The following CRPPA variants were observed in gnomAD, a reference collection of about 807,000 sequenced individuals.
CRPPA encodes the protein D-ribitol-5-phosphate cytidylyltransferase.
In CRPPA, 43 loss-of-function variants were observed where a neutral mutation model predicts 52.0. The observed-to-expected ratio is 0.83, with a 90% CI of 0.65 to 1.07. The LOEUF (loss-of-function observed/expected upper bound fraction) is 1.07. CRPPA is among the 50% of genes least tolerant of loss of function. CRPPA has a pLI of 0.00. For missense variants in CRPPA, 629 were observed against 551.7 expected (o/e 1.14, Z -1.40); for synonymous variants, 250 against 203.5 (o/e 1.23, Z -1.94).
intron 3 of CRPPA, among the ~76,000 whole-genome samples, chr7:16,331,148 C>G (rs548125904): frequency 6.6e-6 from 1 of 151,976 alleles, no homozygotes; most frequent in Admixed American, 6.6e-5. Context: ...TACAGGCGCA[C>G]GCCACCATGC....
intron 3 of CRPPA, among the ~76,000 whole-genome samples, chr7:16,337,757 C>T (rs1785723637): frequency 6.6e-6 from 1 of 152,040 alleles, no homozygotes; most frequent in Non-Finnish European, 1.5e-5. Flanking sequence ...TCCAACAAAT[C>T]AGATAACCTA....
intron 8 of CRPPA, among the ~76,000 whole-genome samples, chr7:16,218,793 A>G (rs1298259300): frequency 1.4e-3 from 196 of 140,812 alleles, no homozygotes; most frequent in African/African-American, 5.1e-3. Flanking sequence ...TTCATAAAGC[A>G]AGTCCTGAGT....
At chr7:16,210,818 A>G (rs1242967342) in intron 9 of CRPPA, among the ~76,000 whole-genome samples, 2 of 152,146 alleles carry the variant, frequency 1.3e-5, no homozygotes, top group African/African-American at 4.8e-5. Context: ...CTTCATTTAC[A>G]TACAGAAAGT....
intron 9 of CRPPA, among the ~76,000 whole-genome samples, chr7:16,206,592 AAATT>A (rs1331106147): frequency 5.9e-5 from 9 of 152,174 alleles, no homozygotes; most frequent in African/African-American, 2.2e-4. Context: ...AACATAGTAA[AAATT>A]AAATGATTAC....
At chr7:16,172,460 G>T (rs1289360512) in intron 9 of CRPPA, among the ~76,000 whole-genome samples, 1 of 152,198 alleles carries the variant, frequency 6.6e-6, no homozygotes, top group East Asian at 1.9e-4. Context: ...TGTAGTTACA[G>T]TCCAATCAGC....
intron 1 of CRPPA, among the ~76,000 whole-genome samples, chr7:16,414,396 CA>C (rs1456040798): frequency 5.0e-4 from 64 of 127,562 alleles, no homozygotes; most frequent in South Asian, 1.4e-3. Flanking sequence ...CACACACACA[CA>C]CACACCCCAT....
intron 3 of CRPPA, among the ~76,000 whole-genome samples, chr7:16,363,887 C>A (rs185019635): frequency 7.9e-5 from 12 of 152,138 alleles, no homozygotes; most frequent in Admixed American, 5.2e-4. Context: ...GTTCAATATA[C>A]CTGACAGAAA....
chr7:16,196,199 C>T (rs1306393861), intron 9 of CRPPA, among the ~76,000 whole-genome samples: 1 of 152,130 alleles, frequency 6.6e-6, no homozygotes, highest in African/African-American at 2.4e-5. Context: ...CACAGTGGTG[C>T]ATCTGAGGTC....
At chr7:16,171,563 G>A (rs1051671545) in intron 9 of CRPPA, among the ~76,000 whole-genome samples, 13 of 152,150 alleles carry the variant, frequency 8.5e-5, no homozygotes, top group Non-Finnish European at 1.5e-4. Context: ...TCAGGAAATC[G>A]AGACCATCCT....
Position 16,235,694 on chromosome 7 carries a change from C to T in CRPPA, c.1120-19497G>A, listed in dbSNP as rs74989984. Among the ~76,000 whole-genome samples, 1,467 of 152,060 alleles carry T rather than the reference C, an allele frequency of 9.6e-3. 52 individuals carry two copies. The East Asian group carries it at 0.12, about 13-fold the overall frequency. ...TAAAAGAAGGTATCTTAGAGCCAGGCAAAGAAAGGGCTTGAGTTACTTCTT... is the reference window on the plus strand; with the variant it reads ...TAAAAGAAGGTATCTTAGAGCCAGGTAAAGAAAGGGCTTGAGTTACTTCTT... On this transcript the variant is annotated intron_variant, in intron 8 of 9. Coordinates refer to ENST00000407010, the MANE Select transcript of CRPPA (RefSeq NM_001101426.4).
intron 8 of CRPPA, among the ~76,000 whole-genome samples, chr7:16,225,728 T>C (rs767748575): frequency 6.6e-6 from 1 of 151,922 alleles, no homozygotes; most frequent in Non-Finnish European, 1.5e-5. Flanking sequence ...GCATTACTTG[T>C]CATTTTTTTA....
intron 2 of CRPPA, among the ~76,000 whole-genome samples, chr7:16,386,610 T>G (rs1277099108): frequency 1.3e-5 from 2 of 151,608 alleles, no homozygotes; most frequent in Admixed American, 6.6e-5. Flanking sequence ...AAAAAGGAGG[T>G]GGATAGGGAT....
At chr7:16,132,019 A>T (rs1482741801) in intron 9 of CRPPA, among the ~76,000 whole-genome samples, 1 of 152,174 alleles carries the variant, frequency 6.6e-6, no homozygotes, top group Non-Finnish European at 1.5e-5. Context: ...AACAGCTTCC[A>T]TTAGGGCAAT....
At chr7:16,118,231 C>T (rs1782416693) in intron 9 of CRPPA, among the ~76,000 whole-genome samples, 1 of 152,206 alleles carries the variant, frequency 6.6e-6, no homozygotes, top group African/African-American at 2.4e-5. Context: ...TTACTTCTGT[C>T]TCTCTGAGGT....
chr7:16,353,423 G>T (rs1401407066), intron 3 of CRPPA, among the ~76,000 whole-genome samples: 1 of 152,136 alleles, frequency 6.6e-6, no homozygotes, highest in Non-Finnish European at 1.5e-5. Flanking sequence ...GTTACCAGAG[G>T]CTGGAAGGGT....
At chr7:16,120,093 CA>C (rs1782452362) in intron 9 of CRPPA, among the ~76,000 whole-genome samples, 1 of 152,078 alleles carries the variant, frequency 6.6e-6, no homozygotes, top group Non-Finnish European at 1.5e-5. Flanking sequence ...ATTAAAAAGC[CA>C]TAAAGAAGAA....
rs147166480 is a variant in CRPPA, at chr7:16,213,020, G to A, written c.1251+3046C>T. On this transcript the variant is annotated intron_variant, in intron 9 of 9. Coordinates refer to ENST00000407010, the MANE Select transcript of CRPPA (RefSeq NM_001101426.4). Reference sequence around the variant, plus strand: ...AGGCTTTAAAATTTTTACTGTCACAGAAGTTCACATGCAAAATTGAAAAAT... The same window carrying A: ...AGGCTTTAAAATTTTTACTGTCACAAAAGTTCACATGCAAAATTGAAAAAT... Among the ~76,000 whole-genome samples the A allele has an allele frequency of 2.3e-3, 355 of 152,300 alleles. 7 individuals are homozygous for A. The highest frequency in any genetic ancestry group is 0.021 in the Admixed American group (314 of 15,292).
rs972619138 is a variant in CRPPA at position 16,132,663 on chromosome 7, T to G, written c.1252-40864A>C. Among the ~76,000 whole-genome samples the G allele has an allele frequency of 1.1e-4, 14 of 125,182 alleles. 3 individuals carry two copies. Among genetic ancestry groups the G allele is most frequent in the Middle Eastern group, 8.4e-3 (2 of 238 alleles). The allele number at this position is 125,182 out of a possible 152,430, so 82.1% of individuals were successfully genotyped here. ...ATAAGCTTGAACTGCATGGGTTTAC[T>G]TACATGCAAATTTTTAAAAAGGAAA... is the stretch of plus-strand genomic sequence containing the variant. On this transcript the variant is annotated intron_variant, in intron 9 of 9. Transcript: ENST00000407010.
intron 9 of CRPPA, among the ~76,000 whole-genome samples, chr7:16,155,875 G>A (rs1333939624): frequency 1.3e-5 from 2 of 152,064 alleles, no homozygotes; most frequent in African/African-American, 4.8e-5. Context: ...CACAATAATA[G>A]AGGGATACTT....
Sources: gnomAD v4.1 joint callset for allele counts (sites outside exome capture counted in the v4.1 genomes callset) on GRCh38, gnomAD v4.1.1 for gene constraint, MANE v1.5 for transcripts, NCBI Gene and HGNC (gene_info 2026-07-23, HGNC 2026-07-21) for gene names.